GPHN: variants seen among roughly 807,000 people sequenced by gnomAD.
GPHN encodes the protein gephyrin.
A neutral mutation model predicts 95.5 loss-of-function variants in GPHN; 17 were observed. The ratio of observed to expected loss-of-function variants is 0.18; its 90% CI spans 0.12 to 0.27. The LOEUF (loss-of-function observed/expected upper bound fraction) is 0.27. GPHN is among the 10% of genes least tolerant of loss of function. The pLI, the probability that GPHN is intolerant of heterozygous loss-of-function variation, is 1.00. For missense variants in GPHN, 660 were observed against 978.1 expected (o/e 0.67, Z 4.34); for synonymous variants, 320 against 322.5 (o/e 0.99, Z 0.08).
intron 8 of GPHN, among the ~76,000 whole-genome samples, chr14:66,948,573 C>T (rs1188735777): frequency 3.3e-5 from 5 of 152,124 alleles, no homozygotes; most frequent in Non-Finnish European, 5.9e-5. Context: ...TAGTTTCTGT[C>T]ACCAGCAAAT....
At chr14:67,518,220 C>T in the GPHN span, among the ~76,000 whole-genome samples, 5 of 152,108 alleles carry the variant, frequency 3.3e-5, no homozygotes, top group East Asian at 1.9e-4. Context: ...GCAAGAGGAG[C>T]GGTGTGGTGG....
the GPHN span, chr14:67,515,407 CCGG>C: frequency 2.3e-3 from 411 of 176,478 alleles, no homozygotes; most frequent in South Asian, 4.1e-3. Context: ...AAAGGAGCCC[CCGG>C]CGGCGGCGGC....
At chr14:67,037,432 A>G (rs1048923814) in intron 10 of GPHN, among the ~76,000 whole-genome samples, 4 of 152,048 alleles carry the variant, frequency 2.6e-5, no homozygotes, top group African/African-American at 9.7e-5. Context: ...GACAACTTAT[A>G]CAAATGTAGA....
At chr14:67,537,842 T>A in the GPHN span, among the ~76,000 whole-genome samples, 1 of 152,164 alleles carries the variant, frequency 6.6e-6, no homozygotes, top group South Asian at 2.1e-4. Context: ...AGCCCCTGCC[T>A]CTGGGGCATA....
At chr14:67,015,806 G>A (rs2073275045) in intron 9 of GPHN, among the ~76,000 whole-genome samples, 1 of 152,148 alleles carries the variant, frequency 6.6e-6, no homozygotes, top group Admixed American at 6.5e-5. Context: ...ACGTGTGTCT[G>A]TTTTTATGTG....
At chr14:67,530,925 C>T in the GPHN span, among the ~76,000 whole-genome samples, 1 of 152,304 alleles carries the variant, frequency 6.6e-6, no homozygotes, top group East Asian at 1.9e-4. Context: ...CCTCTCACGT[C>T]CCATGGCAGC....
At chr14:67,416,875 G>C in the GPHN span, among the ~76,000 whole-genome samples, 1 of 152,228 alleles carries the variant, frequency 6.6e-6, no homozygotes, top group South Asian at 2.1e-4. Context: ...ACTATCTGTG[G>C]TGAAGACTGG....
At chr14:67,300,383 A>G in the GPHN span, among the ~76,000 whole-genome samples, 1 of 147,716 alleles carries the variant, frequency 6.8e-6, no homozygotes, top group South Asian at 2.1e-4. Flanking sequence ...GCTGGAATGC[A>G]GTGGCGCCAT....
At chr14:67,492,567 G>A in the GPHN span, among the ~76,000 whole-genome samples, 1 of 152,226 alleles carries the variant, frequency 6.6e-6, no homozygotes, top group South Asian at 2.1e-4. Context: ...TGCACCTTCA[G>A]AAGTGATGGG....
the GPHN span, among the ~76,000 whole-genome samples, chr14:67,439,804 T>C: frequency 6.6e-6 from 1 of 151,972 alleles, no homozygotes; most frequent in Non-Finnish European, 1.5e-5. Flanking sequence ...AGTGTTAAAA[T>C]GTCCTTTCTT....
At chr14:67,522,097 C>T in the GPHN span, among the ~76,000 whole-genome samples, 1,302 of 152,214 alleles carry the variant, frequency 8.6e-3, 27 homozygotes, top group African/African-American at 0.03. Flanking sequence ...CGCTTGAACC[C>T]GGGAGGCGGA....
chr14:66,918,219 C>T (rs2066012832), intron 6 of GPHN, among the ~76,000 whole-genome samples: 1 of 151,512 alleles, frequency 6.6e-6, no homozygotes, highest in African/African-American at 2.4e-5. Context: ...GTTGTCCTCT[C>T]TCTTTGGAGA....
chr14:67,555,568 G>A, the GPHN span, among the ~76,000 whole-genome samples: 2 of 152,162 alleles, frequency 1.3e-5, no homozygotes, highest in East Asian at 3.9e-4. Flanking sequence ...CCCTCCATCA[G>A]GACAAAAGAG....
intron 5 of GPHN, among the ~76,000 whole-genome samples, chr14:66,899,122 C>CTTTTTTTTTTTTTTTTTTTTT (rs149566081): frequency 7.6e-6 from 1 of 130,812 alleles, no homozygotes. Context: ...AGGGCTTTTT[C>CTTTTTTTTTTTTTTTTTTTTT]TTTTTTTTTT....
chr14:67,483,123 G>A, the GPHN span, among the ~76,000 whole-genome samples: 1 of 152,066 alleles, frequency 6.6e-6, no homozygotes, highest in Non-Finnish European at 1.5e-5. Context: ...CAATTCTCAT[G>A]CCTCAGCCTC....
At chr14:66,627,123 A>C (rs1290434502) in intron 1 of GPHN, among the ~76,000 whole-genome samples, 1 of 152,056 alleles carries the variant, frequency 6.6e-6, no homozygotes, top group East Asian at 1.9e-4. Context: ...ATGAATACCC[A>C]TATAATTACT....
intron 8 of GPHN, among the ~76,000 whole-genome samples, chr14:66,932,443 G>GTTTTT (rs2066854121): frequency 5.0e-5 from 2 of 40,160 alleles, no homozygotes; most frequent in African/African-American, 1.0e-4. Context: ...GCCAAGACCA[G>GTTTTT]GTTTTTTTTT....
At chr14:67,381,697 C>T in the GPHN span, 1 of 1,598,622 alleles carries the variant, frequency 6.3e-7, no homozygotes, top group Admixed American at 1.7e-5. Context: ...TAAGGTGAGT[C>T]ATGAGTTGTC....
At chr14:66,548,771 A>G (rs1047256331) in intron 1 of GPHN, among the ~76,000 whole-genome samples, 1 of 152,248 alleles carries the variant, frequency 6.6e-6, no homozygotes, top group East Asian at 1.9e-4. Context: ...GTGAGGAAGG[A>G]ATACTAAAAA....
Sources: allele counts gnomAD v4.1 joint callset (sites outside exome capture counted in the v4.1 genomes callset), GRCh38; gene constraint gnomAD v4.1.1; transcripts MANE v1.5; gene names NCBI Gene and HGNC (gene_info 2026-07-23, HGNC 2026-07-21).